The following GRIK3 variants were observed in gnomAD, a reference collection of about 807,000 sequenced individuals.
GRIK3 encodes the protein glutamate ionotropic receptor kainate type subunit 3, also known as glutamate receptor ionotropic, kainate 3.
GRIK3 carries 29 observed loss-of-function variants against 102.5 expected under a neutral mutation model. The observed-to-expected ratio is 0.28, with a 90% CI of 0.21 to 0.39. The LOEUF (loss-of-function observed/expected upper bound fraction) is 0.39. Ranked by LOEUF, GRIK3 falls within the 10% of genes least tolerant of loss-of-function variation. The pLI is 1.00. For missense variants in GRIK3, 908 were observed against 1,252.4 expected, an observed-to-expected ratio of 0.73 and a Z score of 4.15; for synonymous variants, 511 against 504.9, an observed-to-expected ratio of 1.01 and a Z score of -0.16.
Position 36,880,587 on chromosome 1 carries a change from GC to G in GRIK3, c.550+46del, listed in dbSNP as rs766682122. ...GACAAGAGCTTGATCCTGGGCCTCT[GC>G]CCCCCTCAACCGTTGCCCCCAGCCT... On this transcript the variant is annotated intron_variant, in intron 3 of 15. Transcript: ENST00000373091. The surrounding 1 kb of genome is among the most constrained non-coding windows in gnomAD (Gnocchi z 5.4). 3.2e-6 allele frequency: 5 copies of G among 1,584,568 alleles called. No homozygotes were observed. Among genetic ancestry groups the G allele is most frequent in the African/African-American group, 1.3e-5 (1 of 74,472 alleles).
At chr1:36,875,930 G>A (rs924524880) in intron 3 of GRIK3, among the ~76,000 whole-genome samples, 6 of 152,192 alleles carry the variant, frequency 3.9e-5, no homozygotes, top group African/African-American at 7.2e-5. Flanking sequence ...GAGATGACTC[G>A]TGATTGGCAG....
intron 1 of GRIK3, among the ~76,000 whole-genome samples, chr1:36,976,575 G>A (rs762994576): frequency 4.6e-5 from 7 of 151,984 alleles, no homozygotes; most frequent in Non-Finnish European, 8.8e-5. Flanking sequence ...GTCACTATCC[G>A]GCTTCACAAC....
At chr1:36,941,357 CT>C (rs891995315) in intron 1 of GRIK3, among the ~76,000 whole-genome samples, 3 of 152,234 alleles carry the variant, frequency 2.0e-5, no homozygotes, top group Non-Finnish European at 4.4e-5. Flanking sequence ...CTGATTCCCT[CT>C]TTTGAAGAAA....
At chr1:36,883,413 AC>A (rs1353007934) in intron 2 of GRIK3, among the ~76,000 whole-genome samples, 1 of 151,908 alleles carries the variant, frequency 6.6e-6, no homozygotes, top group African/African-American at 2.4e-5. Context: ...CTCTGTGGAA[AC>A]CCCAGCCCTT....
chr1:36,880,853 C>T lies in GRIK3; in HGVS notation c.331G>A (p.Gly111Ser), dbSNP rs370122381. 1.2e-4 allele frequency: 186 copies of T among 1,613,006 alleles called. No homozygotes were observed. Among genetic ancestry groups the T allele is most frequent in the Non-Finnish European group, 1.5e-4 (175 of 1,179,530 alleles). ...TTGGTGCAGGAGCCCTGTGATGGGC[C>T]GAAGATCGCCACCACGCCCAGTGCC... ...QLALGVVAIF[G>S]PSQGSCTNAV... Residue 111 changes from glycine to serine, a missense_variant, in exon 3 of 16, where the codon GGC (glycine) becomes AGC (serine). By Grantham distance (56) the Gly-to-Ser change is moderately conservative. Coordinates refer to ENST00000373091, the MANE Select transcript of GRIK3 (RefSeq NM_000831.4). The surrounding 1 kb of genome is among the most constrained non-coding windows in gnomAD (Gnocchi z 5.4).
chr1:36,835,561 T>C (rs1640367078), intron 10 of GRIK3, among the ~76,000 whole-genome samples: 1 of 152,244 alleles, frequency 6.6e-6, no homozygotes, highest in African/African-American at 2.4e-5. Flanking sequence ...GCACTCATTC[T>C]TTCCCTGGCA....
rs559145660 is a variant in GRIK3, at chr1:36,876,445, A to T, written c.551-4076T>A. ...GCATGCTCCGAGCTTCAGCAGCCCT[A>T]TTGTGACTATGAGCTGAAGGCCAAG... On this transcript the variant is annotated intron_variant, in intron 3 of 15. Transcript: ENST00000373091. 2.0e-5 allele frequency among the ~76,000 whole-genome samples: 3 copies of T among 152,256 alleles called. No individual in the cohort carries two copies. The South Asian group carries it at 6.2e-4, about 32-fold the overall frequency.
chr1:36,810,074 G>T (rs991494574), intron 13 of GRIK3, among the ~76,000 whole-genome samples: 1 of 152,108 alleles, frequency 6.6e-6, no homozygotes, highest in Non-Finnish European at 1.5e-5. Context: ...CCCCTTAAGT[G>T]CTGTCCTTCT....
At chr1:36,989,493 A>G (rs958419774) in intron 1 of GRIK3, among the ~76,000 whole-genome samples, 1 of 152,234 alleles carries the variant, frequency 6.6e-6, no homozygotes, top group Non-Finnish European at 1.5e-5. Flanking sequence ...GAAGGAGGTC[A>G]AGGTTACCCT....
intron 1 of GRIK3, among the ~76,000 whole-genome samples, chr1:36,923,842 A>G (rs1346216777): frequency 2.6e-5 from 4 of 151,990 alleles, no homozygotes; most frequent in Non-Finnish European, 5.9e-5. Flanking sequence ...TCAAGTCCCA[A>G]AGGCACTCTC....
At chr1:36,825,473 T>G in intron 11 of GRIK3, 130 bp downstream of exon 11, 4 of 534,184 alleles carry the variant, frequency 7.5e-6, no homozygotes, top group South Asian at 6.8e-5. Context: ...CCATAGGGAG[T>G]GGAAGAGGAG....
At chr1:36,945,462 T>C (rs1570813853) in intron 1 of GRIK3, among the ~76,000 whole-genome samples, 4 of 152,344 alleles carry the variant, frequency 2.6e-5, no homozygotes, top group African/African-American at 9.6e-5. Flanking sequence ...GTGTCAATCA[T>C]AGGCTTTCAG....
In GRIK3 at chr1:36,972,383, C is replaced by T. The variant is rs567944898; in HGVS notation, c.115+61611G>A. On this transcript the variant is annotated intron_variant, in intron 1 of 15. Transcript: ENST00000373091. ...TTCCAGCATCTTGGAAGCAAAGTAA[C>T]AGGCTCACGGCACCCCAGCCAGCTC... is the stretch of plus-strand genomic sequence containing the variant. Among the ~76,000 whole-genome samples the T allele has an allele frequency of 2.6e-5, 4 of 152,330 alleles. No individual in the cohort carries two copies. In the East Asian group the frequency reaches 7.7e-4, roughly 29 times the overall value.
In GRIK3 at chr1:36,839,936, G is replaced by A. The variant is rs79557404; in HGVS notation, c.1530+1800C>T. On this transcript the variant is annotated intron_variant, in intron 10 of 15. Transcript: ENST00000373091. ...CAGCTCCCCTCAGACCGAGGCAAGG[G>A]GGCTTAACCGAAGTCCCTGATGCTG... is the stretch of plus-strand genomic sequence containing the variant. 9.1e-3 allele frequency among the ~76,000 whole-genome samples: 1,381 copies of A among 152,284 alleles called. 20 individuals carry two copies. Among genetic ancestry groups the A allele is most frequent in the African/African-American group, 0.031 (1,297 of 41,540 alleles).
intron 1 of GRIK3, among the ~76,000 whole-genome samples, chr1:36,993,636 C>A (rs1410697616): frequency 6.6e-6 from 1 of 152,194 alleles, no homozygotes; most frequent in African/African-American, 2.4e-5. Flanking sequence ...ATGCAGACAA[C>A]AAGTGTGAGG....
At chr1:37,004,619 C>T (rs965981486) in intron 1 of GRIK3, among the ~76,000 whole-genome samples, 1 of 152,224 alleles carries the variant, frequency 6.6e-6, no homozygotes, top group African/African-American at 2.4e-5. Flanking sequence ...GGAGGGACAT[C>T]AGGTCCCTCC....
chr1:36,872,377 GC>G lies in GRIK3; in HGVS notation c.551-9del. On this transcript the variant is annotated splice_polypyrimidine_tract_variant and intron_variant, in intron 3 of 15. Transcript: ENST00000373091. This position sits in a 1 kb window ranked among gnomAD's most constrained non-coding sequence, Gnocchi z 5.9. ...CCTGCAGTCGGATGAGCCCTGAGGG[GC>G]CATGGAGCACAAAAGACACACGTGT... The G allele has an allele frequency of 6.3e-7, 1 of 1,575,080 alleles. No homozygotes were observed. Among genetic ancestry groups the G allele is most frequent in the Non-Finnish European group, 8.6e-7 (1 of 1,156,842 alleles).
intron 1 of GRIK3, among the ~76,000 whole-genome samples, chr1:36,928,677 A>G (rs1457961869): frequency 1.3e-5 from 2 of 152,232 alleles, no homozygotes; most frequent in Admixed American, 1.3e-4. Context: ...GTTTCCCACA[A>G]TCCAAGAATC....
chr1:37,029,311 C>T (rs1351609583), intron 1 of GRIK3, among the ~76,000 whole-genome samples: 1 of 152,198 alleles, frequency 6.6e-6, no homozygotes, highest in Non-Finnish European at 1.5e-5. Context: ...CAACGAGGGC[C>T]CTGCTCCTGC....
Sources: allele counts gnomAD v4.1 joint callset (sites outside exome capture counted in the v4.1 genomes callset), GRCh38; gene constraint gnomAD v4.1.1; non-coding constraint Gnocchi (gnomAD v3.1); transcripts MANE v1.5; gene names NCBI Gene and HGNC (gene_info 2026-07-23, HGNC 2026-07-21).